The following SNX2 variants were observed in gnomAD, a reference collection of about 807,000 sequenced individuals.
SNX2 encodes sorting nexin 2, also known as sorting nexin-2.
A neutral mutation model predicts 69.9 loss-of-function variants in SNX2; 25 were observed. The observed-to-expected ratio is 0.36, with a 90% CI of 0.26 to 0.50. SNX2 has a LOEUF of 0.50. Among genes scored for constraint, SNX2 ranks in the 20% least tolerant of loss-of-function variants. The pLI is 0.97. For synonymous variants in SNX2, 229 were observed against 200.4 expected (o/e 1.14, Z -1.20); for missense variants, 551 against 613.3 (o/e 0.90, Z 1.07).
At chr5:122,808,434 G>A (rs1753700341) in intron 7 of SNX2, 79 bp downstream of exon 7, 1 of 1,041,572 alleles carries the variant, frequency 9.6e-7, no homozygotes, top group Non-Finnish European at 1.4e-6. Flanking sequence ...TGGCAAAACT[G>A]TGTTTTAATG....
rs1753349286 is a variant in SNX2, at chr5:122,795,186, C to G, written c.109-80C>G. 4 of 849,152 alleles carry G rather than the reference C, an allele frequency of 4.7e-6. No individual in the cohort carries two copies. In the East Asian group the frequency reaches 7.4e-5, roughly 16 times the overall value. The allele number at this position is 849,152 out of a possible 1,614,324, so 52.6% of individuals were successfully genotyped here. ...CCTCCATTCTTTTCAAGAGAATGTT[C>G]TATTTCTGTAGTACATGGTGACAGA... On this transcript the variant is annotated intron_variant, in intron 1 of 14. Coordinates refer to ENST00000379516, the MANE Select transcript of SNX2 (RefSeq NM_003100.4).
chr5:122,814,833 T>G lies in SNX2; in HGVS notation c.723-1063T>G, dbSNP rs565101991. ...GGCAGGATCTCGGCTCACTCCAACC[T>G]CCACCCTCCAGGTTCAAATGATTCT... On this transcript the variant is annotated intron_variant, in intron 7 of 14. Transcript: ENST00000379516. 4.0e-3 allele frequency among the ~76,000 whole-genome samples: 615 copies of G among 152,146 alleles called. 3 individuals are homozygous for G. The highest frequency in any genetic ancestry group is 6.2e-3 in the Admixed American group (95 of 15,288).
intron 1 of SNX2, chr5:122,775,669 T>TG: frequency 1.0e-6 from 1 of 986,766 alleles, no homozygotes; most frequent in Non-Finnish European, 1.2e-6. Context: ...CGAGGGTCTG[T>TG]GGGGAACGAA....
At chr5:122,806,678 A>T (rs1447305970) in intron 6 of SNX2, among the ~76,000 whole-genome samples, 2 of 152,150 alleles carry the variant, frequency 1.3e-5, no homozygotes, top group African/African-American at 4.8e-5. Context: ...AGTAGAATGG[A>T]TAGAAGGTTT....
At position 122,800,380 on chromosome 5, in the gene SNX2, G is replaced by A. The variant is rs562725382; in HGVS notation, c.390+525G>A. ...ATTTAAAAGTCATTCATGGAAATAT[G>A]TCGTTAAAATGACCATGATTAAGTA... On this transcript the variant is annotated intron_variant, in intron 3 of 14. Transcript: ENST00000379516. Among the ~76,000 whole-genome samples, 3 of 152,228 alleles carry A rather than the reference G, an allele frequency of 2.0e-5. No homozygotes were observed. In the East Asian group the frequency reaches 5.8e-4, roughly 29 times the overall value.
chr5:122,810,662 A>G (rs373764307), intron 7 of SNX2, among the ~76,000 whole-genome samples: 7 of 152,192 alleles, frequency 4.6e-5, no homozygotes, highest in African/African-American at 1.7e-4. Flanking sequence ...ACCTTCATGT[A>G]CTATGAAATG....
rs111628621 is a variant in SNX2 at position 122,816,820 on chromosome 5, G to C, written c.799-95G>C. On this transcript the variant is annotated intron_variant, in intron 8 of 14. Transcript: ENST00000379516. ...CCTCTTTTTTAAAATTTGTATGTGG[G>C]GGGGAGGGGGGAGGAGGGGGGATCA... The C allele has an allele frequency of 7.6e-4, 430 of 568,458 alleles. 3 individuals are homozygous for C. The African/African-American group carries it at 7.8e-3, about 10-fold the overall frequency. The allele number at this position is 568,458 out of a possible 1,614,324, so 35.2% of individuals were successfully genotyped here.
At chr5:122,818,419 G>A (rs1753948484) in intron 10 of SNX2, among the ~76,000 whole-genome samples, 1 of 152,100 alleles carries the variant, frequency 6.6e-6, no homozygotes, top group South Asian at 2.1e-4. Context: ...TATTTTCAAT[G>A]ACAAATGTTT....
intron 9 of SNX2, 106 bp downstream of exon 9, chr5:122,817,134 G>A (rs1021745777): frequency 4.4e-6 from 5 of 1,128,926 alleles, no homozygotes; most frequent in Non-Finnish European, 6.6e-6. Flanking sequence ...TGCTTATTGA[G>A]TTTAGTTCTC....
chr5:122,799,511 G>A (rs1305403853), intron 2 of SNX2, among the ~76,000 whole-genome samples, 181 bp from the exon 3 acceptor site: 1 of 152,108 alleles, frequency 6.6e-6, no homozygotes, highest in Non-Finnish European at 1.5e-5. Flanking sequence ...GTTACAGTTA[G>A]TTTTAAAGTT....
At chr5:122,811,825 CTAAA>C (rs376912042) in intron 7 of SNX2, among the ~76,000 whole-genome samples, 372 of 132,004 alleles carry the variant, frequency 2.8e-3, no homozygotes, top group African/African-American at 6.7e-3. Context: ...GACTCCGTCT[CTAAA>C]TAAATAAATA....
chr5:122,822,664 T>A (rs1400066379), intron 11 of SNX2, among the ~76,000 whole-genome samples: 1 of 152,204 alleles, frequency 6.6e-6, no homozygotes, highest in African/African-American at 2.4e-5. Flanking sequence ...AGGAAACGCC[T>A]GTTTTCCTCT....
intron 1 of SNX2, among the ~76,000 whole-genome samples, chr5:122,777,068 A>G (rs1237560565): frequency 6.6e-6 from 1 of 152,038 alleles, no homozygotes; most frequent in African/African-American, 2.4e-5. Context: ...TTTGGGAAGG[A>G]TATATAGCAG....
intron 7 of SNX2, among the ~76,000 whole-genome samples, chr5:122,813,089 T>C (rs1753816672): frequency 6.6e-6 from 1 of 152,158 alleles, no homozygotes; most frequent in Non-Finnish European, 1.5e-5. Flanking sequence ...CTGACTTTTT[T>C]CAGTGTTTCT....
rs1422702609 is a variant in SNX2 at position 122,803,469 on chromosome 5, T to C, written c.502-3T>C. On this transcript the variant is annotated splice_region_variant and splice_polypyrimidine_tract_variant and intron_variant, in intron 5 of 14. Coordinates refer to ENST00000379516, the MANE Select transcript of SNX2 (RefSeq NM_003100.4). ...ATTTGAAACACCTCTTCTTCACTTGTAGACATCTCTTTCCATGTTCAGTAA... is the reference window on the plus strand; with the variant it reads ...ATTTGAAACACCTCTTCTTCACTTGCAGACATCTCTTTCCATGTTCAGTAA... 5 of 1,605,106 alleles carry C rather than the reference T, an allele frequency of 3.1e-6. No individual in the cohort carries two copies. The East Asian group carries it at 8.9e-5, about 29-fold the overall frequency.
chr5:122,784,944 T>A (rs1343903116), intron 1 of SNX2, among the ~76,000 whole-genome samples: 1 of 152,202 alleles, frequency 6.6e-6, no homozygotes, highest in Non-Finnish European at 1.5e-5. Context: ...TTTGGAAGTA[T>A]GTATCTTTTA....
chr5:122,825,977 A>G, intron 11 of SNX2, 73 bp from the exon 12 acceptor site: 16 of 1,367,206 alleles, frequency 1.2e-5, no homozygotes, highest in Non-Finnish European at 1.6e-5. Flanking sequence ...TTTCAGTATT[A>G]TAACACTTCT....
intron 14 of SNX2, 157 bp downstream of exon 14, chr5:122,827,803 TC>T: frequency 1.7e-6 from 1 of 579,740 alleles, no homozygotes; most frequent in South Asian, 2.4e-5. Context: ...GGTAAACTAA[TC>T]GGAAACTATC....
chr5:122,785,805 T>TAAAAC (rs1753072173), intron 1 of SNX2, among the ~76,000 whole-genome samples: 1 of 152,214 alleles, frequency 6.6e-6, no homozygotes, highest in African/African-American at 2.4e-5. Flanking sequence ...CATGTTCTAT[T>TAAAAC]ATGCTAAGTG....
Sources: gnomAD v4.1 joint callset for allele counts (sites outside exome capture counted in the v4.1 genomes callset) on GRCh38, gnomAD v4.1.1 for gene constraint, MANE v1.5 for transcripts, NCBI Gene and HGNC (gene_info 2026-07-23, HGNC 2026-07-21) for gene names.